Variants in XRCC1 observed in about 807,000 individuals in gnomAD.
The protein encoded by XRCC1 is X-ray repair cross complementing 1, also known as DNA repair protein XRCC1.
XRCC1 carries 52 observed loss-of-function variants against 83.3 expected under a neutral mutation model. The observed-to-expected ratio is 0.62, with a 90% CI of 0.50 to 0.79. The LOEUF is 0.79. Ranked by LOEUF, XRCC1 falls within the 30% of genes least tolerant of loss-of-function variation. XRCC1 has a pLI of 0.00. For missense variants in XRCC1, 793 were observed against 823.5 expected (o/e 0.96, Z 0.45); for synonymous variants, 281 against 312.6 (o/e 0.90, Z 1.07).
intron 2 of XRCC1, among the ~76,000 whole-genome samples, chr19:43,571,798 A>G (rs955602065): frequency 6.6e-6 from 1 of 152,186 alleles, no homozygotes; most frequent in African/African-American, 2.4e-5. Flanking sequence ...GAGAGTGAAT[A>G]TTTTTTGTCT....
chr19:43,560,231 A>T (rs1223353730), intron 3 of XRCC1, among the ~76,000 whole-genome samples: 1 of 151,188 alleles, frequency 6.6e-6, no homozygotes, highest in African/African-American at 2.4e-5. Context: ...TCTACTAAAA[A>T]TACAAAAAAA....
chr19:43,550,283 A>AT (rs1383049940), intron 10 of XRCC1, among the ~76,000 whole-genome samples: 1 of 94,566 alleles, frequency 1.1e-5, no homozygotes, highest in Non-Finnish European at 2.2e-5. Context: ...ACTTAAGGGG[A>AT]TAAAAAAAAA....
intron 3 of XRCC1, among the ~76,000 whole-genome samples, chr19:43,559,250 A>G (rs35080113): frequency 0.068 from 10,298 of 151,702 alleles, 609 homozygotes; most frequent in East Asian, 0.32. Context: ...TTGGGAGGCT[A>G]AGGTGGGCAG....
chr19:43,546,732 G>T lies in XRCC1; in HGVS notation c.1294-5C>A, dbSNP rs768973248. 6.2e-7 allele frequency: 1 copy of T among 1,606,474 alleles called. No individual in the cohort carries two copies. Among genetic ancestry groups the T allele is most frequent in the East Asian group, 2.2e-5 (1 of 44,788 alleles). ...CTTGGTTTTGGTCTGGGGTTGCTAA[G>T]GAGGGAGAGTGGGTGGGTGAGGAGG... On this transcript the variant is annotated splice_polypyrimidine_tract_variant and splice_region_variant and intron_variant, in intron 11 of 16. Transcript: ENST00000262887.
chr19:43,546,926 G>T lies in XRCC1; in HGVS notation c.1251C>A (p.His417Gln). ...GGGCTTCATCTCCGCTGCCACCGCT[G>T]TGAGAGGCCTCATCCTCCTCACTGC... ...GSSSEEDEAS[H>Q]SGGSGDEAPK... is the part of the protein sequence containing the mutation. The change falls in exon 11 of 17, where the codon CAC (histidine) becomes CAA (glutamine). Residue 417 changes from histidine (H) to glutamine (Q), a missense_variant. His to Gln is a conservative substitution (Grantham distance 24). Transcript: ENST00000262887. 2 of 1,614,066 alleles carry T rather than the reference G, an allele frequency of 1.2e-6. No homozygotes were observed. Among genetic ancestry groups the T allele is most frequent in the Non-Finnish European group, 1.7e-6 (2 of 1,180,016 alleles).
chr19:43,546,970 T>C lies in XRCC1; in HGVS notation c.1207A>G (p.Met403Val). The C allele has an allele frequency of 6.2e-7, 1 of 1,613,754 alleles. No individual in the cohort carries two copies. Among genetic ancestry groups the C allele is most frequent in the Non-Finnish European group, 8.5e-7 (1 of 1,179,930 alleles). ...RRRLPSQRYLMAGPGSSSEED... is the reference protein window; with the variant it reads ...RRRLPSQRYLVAGPGSSSEED... ...TCACTGCTGGAACCTGGCCCTGCCA[T>C]GAGGTACCTAGGGGACAAATCGGGC... The change falls in exon 11 of 17, where the codon ATG becomes GTG. Residue 403 changes from methionine to valine, a missense_variant. Transcript: ENST00000262887.
intron 14 of XRCC1, 100 bp downstream of exon 14, chr19:43,545,718 A>C: frequency 6.7e-7 from 1 of 1,488,302 alleles, no homozygotes; most frequent in Non-Finnish European, 9.1e-7. Context: ...GGGAGGCAAG[A>C]CACGGGGGCA....
At chr19:43,546,163 G>A in intron 12 of XRCC1, 57 bp from the exon 13 acceptor site, 1 of 1,598,134 alleles carries the variant, frequency 6.3e-7, no homozygotes, top group South Asian at 1.1e-5. Flanking sequence ...AAGACTGGCA[G>A]CTCTCCCAGT....
At chr19:43,543,526 C>T in intron 16 of XRCC1, 21 bp from the exon 17 acceptor site, 1 of 1,613,474 alleles carries the variant, frequency 6.2e-7, no homozygotes, top group Non-Finnish European at 8.5e-7. Context: ...GGGTGGAGTC[C>T]ATACGGGAAT....
intron 3 of XRCC1, among the ~76,000 whole-genome samples, chr19:43,559,755 G>C (rs917081511): frequency 1.3e-5 from 2 of 151,992 alleles, no homozygotes; most frequent in African/African-American, 2.4e-5. Flanking sequence ...TGGATTATCC[G>C]GGTAGGCCAA....
chr19:43,561,038 G>A lies in XRCC1; in HGVS notation c.145-18C>T, dbSNP rs763853255. On this transcript the variant is annotated intron_variant, in intron 2 of 16. Coordinates refer to ENST00000262887, the MANE Select transcript of XRCC1 (RefSeq NM_006297.3). Reference sequence around the variant, plus strand: ...TTCTCCAACTGTGGGCAGAGAGAGAGGCCACTGTCAGTGCCTGCTCTGCCT... The same window carrying A: ...TTCTCCAACTGTGGGCAGAGAGAGAAGCCACTGTCAGTGCCTGCTCTGCCT... 1.0e-5 allele frequency: 16 copies of A among 1,598,558 alleles called. No individual in the cohort carries two copies. The highest frequency in any genetic ancestry group is 1.3e-5 in the African/African-American group (1 of 74,590).
chr19:43,546,458 C>G lies in XRCC1; in HGVS notation c.1426+137G>C, dbSNP rs988280382. 3.8e-6 allele frequency: 4 copies of G among 1,052,666 alleles called. No homozygotes were observed. In the African/African-American group the frequency reaches 4.9e-5, roughly 13 times the overall value. 65.2% of individuals were successfully genotyped at this position (1,052,666 alleles called of 1,614,324 possible). A position where few individuals can be genotyped will look rare whatever the true frequency, so the allele number is the denominator to read the frequency against. On this transcript the variant is annotated intron_variant, in intron 12 of 16. Transcript: ENST00000262887. Reference sequence around the variant, plus strand: ...ATCCCTCAGACCCAGGAGTCCAGGTCCCCAGGCTCTCTTCCCTCAGACTCA... The same window carrying G: ...ATCCCTCAGACCCAGGAGTCCAGGTGCCCAGGCTCTCTTCCCTCAGACTCA...
chr19:43,553,584 A>T, intron 5 of XRCC1, 25 bp downstream of exon 5: 1 of 1,611,604 alleles, frequency 6.2e-7, no homozygotes. Context: ...GGAGAAGGCC[A>T]TGGGGAGTGA....
intron 2 of XRCC1, among the ~76,000 whole-genome samples, chr19:43,573,499 A>C (rs949588767): frequency 1.3e-5 from 2 of 152,140 alleles, no homozygotes; most frequent in Admixed American, 1.3e-4. Context: ...ATATTTGCTG[A>C]ATGACTGCCC....
At chr19:43,556,759 C>T (rs3213342) in intron 3 of XRCC1, among the ~76,000 whole-genome samples, 1 of 151,014 alleles carries the variant, frequency 6.6e-6, no homozygotes, top group Non-Finnish European at 1.5e-5. Flanking sequence ...GAGCTGAGAT[C>T]GCACCATTGC....
At position 43,546,579 on chromosome 19, in the gene XRCC1, T is replaced by A. The variant is rs565281212; in HGVS notation, c.1426+16A>T. 6.3e-7 allele frequency: 1 copy of A among 1,593,312 alleles called. No individual in the cohort carries two copies. The highest frequency in any genetic ancestry group is 1.1e-5 in the South Asian group (1 of 87,452). On this transcript the variant is annotated intron_variant, in intron 12 of 16. Transcript: ENST00000262887. ...CAGGAGCCCAGGCCCCAGCCCCTCCTCCCTCAGAGTCTGACCTGACTGTAC... is the reference window on the plus strand; with the variant it reads ...CAGGAGCCCAGGCCCCAGCCCCTCCACCCTCAGAGTCTGACCTGACTGTAC...
chr19:43,553,115 A>C, intron 6 of XRCC1, 24 bp from the exon 7 acceptor site: 4 of 1,550,560 alleles, frequency 2.6e-6, no homozygotes, highest in Non-Finnish European at 3.5e-6. Context: ...AAGTGGATCC[A>C]GGATGAGAGG....
rs139998857 is a variant in XRCC1 at position 43,545,886 on chromosome 19, G to A, written c.1553C>T (p.Ser518Phe). Residue 518 changes from serine to phenylalanine, a missense_variant, in exon 14 of 17, where the codon TCC becomes TTC. By Grantham distance (155) the Ser-to-Phe change is radical. Coordinates refer to ENST00000262887, the MANE Select transcript of XRCC1 (RefSeq NM_006297.3). ...EENGEDPYAGSTDENTDSEEH... is the reference protein window; with the variant it reads ...EENGEDPYAGFTDENTDSEEH... ...CTCACTGTCCGTGTTCTCATCCGTG[G>A]AGCCTGCATACGGGTCTTCCCCATT... The A allele has an allele frequency of 1.4e-5, 22 of 1,613,882 alleles. No individual in the cohort carries two copies. Among genetic ancestry groups the A allele is most frequent in the African/African-American group, 2.7e-5 (2 of 74,880 alleles).
chr19:43,553,735 G>C (rs1487764629), intron 4 of XRCC1, 52 bp from the exon 5 acceptor site: 9 of 1,443,066 alleles, frequency 6.2e-6, no homozygotes, highest in African/African-American at 1.4e-5. Context: ...ACAGAGGCCA[G>C]GGCCCAAGAC....
Sources: gnomAD v4.1 joint callset for allele counts (sites outside exome capture counted in the v4.1 genomes callset) on GRCh38, gnomAD v4.1.1 for gene constraint, MANE v1.5 for transcripts, NCBI Gene and HGNC (gene_info 2026-07-23, HGNC 2026-07-21) for gene names.